Variants in PCDHGB1 observed in about 807,000 individuals in gnomAD.
The protein encoded by PCDHGB1 is protocadherin gamma subfamily B, 1.
PCDHGB1 carries 34 observed loss-of-function variants against 56.6 expected under a neutral mutation model. The ratio of observed to expected loss-of-function variants is 0.60; its 90% confidence interval spans 0.46 to 0.80. The LOEUF is 0.80. Among genes scored for constraint, PCDHGB1 ranks in the 30% least tolerant of loss-of-function variants. PCDHGB1 has a pLI of 0.00. For missense variants in PCDHGB1, 1,278 were observed against 1,204.6 expected (o/e 1.06, Z -0.90); for synonymous variants, 561 against 505.9 (o/e 1.11, Z -1.46).
intron 1 of PCDHGB1, among the ~76,000 whole-genome samples, chr5:141,368,452 C>T (rs75043959): frequency 0.049 from 7,512 of 151,972 alleles, 218 homozygotes; most frequent in Admixed American, 0.079. Flanking sequence ...ACAAACTCAC[C>T]GAATAGTGAA....
At chr5:141,361,165 G>A (rs764593303) in intron 1 of PCDHGB1, 7 of 1,613,830 alleles carry the variant, frequency 4.3e-6, no homozygotes, top group Non-Finnish European at 5.9e-6. Flanking sequence ...CAACGATTGT[G>A]CACCTGAAGT....
Position 141,350,503 on chromosome 5 carries a change from G to A in PCDHGB1, c.243G>A (p.Leu81=). ...ACGTTAGTTTGGAGAGCGGGGATTTGTTAGTGAACGGTAGGATAGATCGAG... is the reference window on the plus strand; with the variant it reads ...ACGTTAGTTTGGAGAGCGGGGATTTATTAGTGAACGGTAGGATAGATCGAG... The part of the protein sequence containing the change: ...YFNVSLESGD[L]LVNGRIDREK... Residue 81 remains leucine (L), a synonymous_variant, in exon 1 of 4, where the codon TTG becomes TTA. Transcript: ENST00000523390. 1 of 1,614,074 alleles carries A rather than the reference G, an allele frequency of 6.2e-7. No homozygotes were observed. The highest frequency in any genetic ancestry group is 8.5e-7 in the Non-Finnish European group (1 of 1,179,902).
At chr5:141,365,968 G>A (rs1764235643) in intron 1 of PCDHGB1, 10 of 1,614,258 alleles carry the variant, frequency 6.2e-6, no homozygotes, top group African/African-American at 1.3e-5. Context: ...GCAGCAACGT[G>A]TCGCTGAGCC....
chr5:141,403,182 T>G (rs1458009956), intron 1 of PCDHGB1: 1 of 1,613,858 alleles, frequency 6.2e-7, no homozygotes, highest in Non-Finnish European at 8.5e-7. Context: ...CTTTTCTCTC[T>G]GAACCCGCGC....
At chr5:141,421,523 C>G in intron 1 of PCDHGB1, 1 of 1,614,034 alleles carries the variant, frequency 6.2e-7, no homozygotes, top group Non-Finnish European at 8.5e-7. Context: ...CTCTGTGAGA[C>G]GGTGTCCTCC....
At chr5:141,475,146 G>A (rs938308425) in intron 1 of PCDHGB1, among the ~76,000 whole-genome samples, 3 of 152,014 alleles carry the variant, frequency 2.0e-5, no homozygotes, top group African/African-American at 4.8e-5. Context: ...AATCTTCTCC[G>A]TCTTCTTCTT....
chr5:141,365,615 ACCCCGC>A, intron 1 of PCDHGB1: 1 of 1,613,178 alleles, frequency 6.2e-7, no homozygotes. Context: ...GGACCATGGA[ACCCCGC>A]CCCTCTCTAC....
rs369206085 is a variant in PCDHGB1 at position 141,490,515 on chromosome 5, G to A, written c.2410-4292G>A. On this transcript the variant is annotated intron_variant, in intron 1 of 3. Transcript: ENST00000523390. The surrounding 1 kb of genome is among the most constrained non-coding windows in gnomAD (Gnocchi z 5.4). ...CATCCCACTATATCATCGAGCTGCT[G>A]GCCAGCGATGCTGGTTCACCTTCCC... The A allele has an allele frequency of 2.3e-5, 37 of 1,613,840 alleles. No individual in the cohort carries two copies. In the Middle Eastern group the frequency reaches 1.2e-3, roughly 50 times the overall value.
intron 1 of PCDHGB1, chr5:141,370,231 G>C: frequency 1.7e-6 from 1 of 591,382 alleles, no homozygotes; most frequent in South Asian, 3.3e-5. Context: ...CAGCCAGCTC[G>C]GAAGAAAAGT....
chr5:141,449,900 A>G (rs2098658617), intron 1 of PCDHGB1, among the ~76,000 whole-genome samples: 2 of 151,878 alleles, frequency 1.3e-5, no homozygotes, highest in South Asian at 2.1e-4. Context: ...TATTTAGCCT[A>G]TAGTCCATAT....
chr5:141,352,723 C>T, intron 1 of PCDHGB1, 54 bp downstream of exon 1: 3 of 1,531,564 alleles, frequency 2.0e-6, no homozygotes, highest in Non-Finnish European at 1.8e-6. Flanking sequence ...GGCGCGGTGG[C>T]TCAAGCCTGT....
rs745697154 is a variant in PCDHGB1 at position 141,351,532 on chromosome 5, C to T, written c.1272C>T (p.Gly424=). The change falls in exon 1 of 4, where the codon GGC becomes GGT. Residue 424 remains glycine (G), a synonymous_variant. Transcript: ENST00000523390. ...TCACAATCATAGCCACCGACAAGGGCAAACCAGCCCTTTCCTCCAGGACAA... is the reference window on the plus strand; with the variant it reads ...TCACAATCATAGCCACCGACAAGGGTAAACCAGCCCTTTCCTCCAGGACAA... ...YNVTIIATDK[G]KPALSSRTSI... is the part of the protein sequence containing the mutation. 4 of 1,613,928 alleles carry T rather than the reference C, an allele frequency of 2.5e-6. No homozygotes were observed. The African/African-American group carries it at 4.0e-5, about 16-fold the overall frequency.
chr5:141,488,312 A>G lies in PCDHGB1; in HGVS notation c.2410-6495A>G, dbSNP rs952247975. 7.9e-5 allele frequency among the ~76,000 whole-genome samples: 12 copies of G among 152,286 alleles called. 1 individual carries two copies. Among genetic ancestry groups the G allele is most frequent in the African/African-American group, 2.9e-4 (12 of 41,558 alleles). On this transcript the variant is annotated intron_variant, in intron 1 of 3. Coordinates refer to ENST00000523390, the MANE Select transcript of PCDHGB1 (RefSeq NM_018922.3). ...AGTAAGTGAAATCACTTATGTCAGA[A>G]AACTGGTTTACAGTTGGCTGATTCA...
At chr5:141,423,225 C>T (rs763729316) in intron 1 of PCDHGB1, 3 of 1,613,804 alleles carry the variant, frequency 1.9e-6, no homozygotes, top group South Asian at 1.1e-5. Context: ...TGGCTGTGGC[C>T]GACAGCATCC....
intron 1 of PCDHGB1, chr5:141,393,973 G>T (rs776954838): frequency 4.3e-6 from 7 of 1,613,668 alleles, no homozygotes; most frequent in Non-Finnish European, 5.1e-6. Context: ...TGTTACACAC[G>T]TGATAATTTA....
chr5:141,375,476 A>G, intron 1 of PCDHGB1: 1 of 1,613,926 alleles, frequency 6.2e-7, no homozygotes, highest in Non-Finnish European at 8.5e-7. Context: ...CCTTGAAAAC[A>G]ACCCCAGGGG....
At chr5:141,425,686 A>C (rs1026122573) in intron 1 of PCDHGB1, among the ~76,000 whole-genome samples, 4 of 152,252 alleles carry the variant, frequency 2.6e-5, no homozygotes, top group Non-Finnish European at 5.9e-5. Context: ...AATACTGCAT[A>C]TCATTTCATA....
chr5:141,384,504 T>C (rs941539151), intron 1 of PCDHGB1: 1 of 1,614,048 alleles, frequency 6.2e-7, no homozygotes, highest in African/African-American at 1.3e-5. Context: ...TGACTGCACA[T>C]GACAGCGGGG....
intron 1 of PCDHGB1, chr5:141,419,206 G>A: frequency 1.9e-6 from 3 of 1,613,876 alleles, no homozygotes; most frequent in Non-Finnish European, 1.7e-6. Flanking sequence ...ATGACAACGC[G>A]CCGGTTTTCG....
Sources: allele counts gnomAD v4.1 joint callset (sites outside exome capture counted in the v4.1 genomes callset), GRCh38; gene constraint gnomAD v4.1.1; non-coding constraint Gnocchi (gnomAD v3.1); transcripts MANE v1.5; gene names NCBI Gene and HGNC (gene_info 2026-07-23, HGNC 2026-07-21).